RABGAP1L: variants seen among roughly 807,000 people sequenced by gnomAD.
RABGAP1L encodes the protein RAB GTPase activating protein 1 like, also known as rab GTPase-activating protein 1-like.
RABGAP1L carries 63 observed loss-of-function variants against 137.7 expected under a neutral mutation model. That is an observed-to-expected ratio of 0.46 (90% CI 0.37 to 0.56). The LOEUF is 0.56. Ranked by LOEUF, RABGAP1L falls within the 20% of genes least tolerant of loss-of-function variation. The pLI, the probability that RABGAP1L is intolerant of heterozygous loss-of-function variation, is 0.00. For synonymous variants in RABGAP1L, 431 were observed against 433.7 expected, an observed-to-expected ratio of 0.99 and a Z score of 0.08; for missense variants, 1,095 against 1,244.0, an observed-to-expected ratio of 0.88 and a Z score of 1.80.
At chr1:174,642,891 C>T (rs1234788524) in intron 14 of RABGAP1L, among the ~76,000 whole-genome samples, 1 of 151,524 alleles carries the variant, frequency 6.6e-6, no homozygotes, top group African/African-American at 2.4e-5. Context: ...CTCAAGCAAT[C>T]CTCCCACCTC....
chr1:174,634,806 T>G (rs1673797888), intron 13 of RABGAP1L, among the ~76,000 whole-genome samples: 1 of 146,124 alleles, frequency 6.8e-6, no homozygotes, highest in South Asian at 2.2e-4. Flanking sequence ...CACCGCATAT[T>G]CTCCCTCATA....
intron 13 of RABGAP1L, among the ~76,000 whole-genome samples, chr1:174,414,692 T>G (rs2149141425): frequency 6.6e-6 from 1 of 152,250 alleles, no homozygotes; most frequent in Non-Finnish European, 1.5e-5. Context: ...GTAGAAAACT[T>G]TAAGTTATAT....
chr1:174,843,340 T>G (rs1286925552), intron 19 of RABGAP1L, among the ~76,000 whole-genome samples: 1 of 150,444 alleles, frequency 6.6e-6, no homozygotes, highest in Admixed American at 6.6e-5. Flanking sequence ...ACTCGTCATC[T>G]AGCATTAGGT....
chr1:174,617,815 C>A (rs751799188), intron 13 of RABGAP1L, among the ~76,000 whole-genome samples: 3 of 152,176 alleles, frequency 2.0e-5, no homozygotes, highest in Non-Finnish European at 1.5e-5. Flanking sequence ...CGGGTGATTT[C>A]GCATTTCCAA....
rs1233304497 is a variant in RABGAP1L, at chr1:174,219,195, C to T, written c.38C>T (p.Ser13Leu). The change falls in exon 2 of 26, where the codon TCA becomes TTA. Residue 13 changes from serine (S) to leucine (L), a missense_variant. Transcript: ENST00000681986. ...GCTTCATTACAGAAGGTTAGTGGAT[C>T]ATCTGATTCTGTGGCTACAATGAAC... ...VRASLQKVSG[S>L]SDSVATMNSE... 2 of 1,603,680 alleles carry T rather than the reference C, an allele frequency of 1.2e-6. No individual in the cohort carries two copies. The highest frequency in any genetic ancestry group is 2.7e-5 in the African/African-American group (2 of 74,390).
At position 174,315,100 on chromosome 1, in the gene RABGAP1L, T is replaced by G. The variant is rs1303043536; in HGVS notation, c.1465+9973T>G. Among the ~76,000 whole-genome samples, 4 of 152,096 alleles carry G rather than the reference T, an allele frequency of 2.6e-5. No individual in the cohort carries two copies. The South Asian group carries it at 8.3e-4, about 32-fold the overall frequency. The stretch of plus-strand genomic sequence containing the variant: ...TGCTCACAGTGGGGGTTTGAAGGTA[T>G]TATTGTGTTGGGGTTTATCTTTCTC... On this transcript the variant is annotated intron_variant, in intron 11 of 25. Transcript: ENST00000681986.
chr1:174,928,450 A>G (rs892914157), intron 19 of RABGAP1L, among the ~76,000 whole-genome samples: 1 of 151,886 alleles, frequency 6.6e-6, no homozygotes, highest in Non-Finnish European at 1.5e-5. Context: ...GAAGGTATTC[A>G]GTTCACGTAT....
intron 11 of RABGAP1L, among the ~76,000 whole-genome samples, chr1:174,306,211 G>A (rs1210991699): frequency 2.0e-5 from 3 of 152,170 alleles, no homozygotes; most frequent in Non-Finnish European, 2.9e-5. Flanking sequence ...TGTGAGTAGT[G>A]CTGCAATAAA....
At chr1:174,889,878 T>TA (rs1655832526) in intron 19 of RABGAP1L, among the ~76,000 whole-genome samples, 1 of 152,080 alleles carries the variant, frequency 6.6e-6, no homozygotes, top group East Asian at 1.9e-4. Flanking sequence ...TGCAGGCACA[T>TA]ACCACCATGC....
At chr1:174,203,851 G>T (rs911860411) in intron 1 of RABGAP1L, among the ~76,000 whole-genome samples, 36 of 151,996 alleles carry the variant, frequency 2.4e-4, no homozygotes, top group African/African-American at 7.7e-4. Flanking sequence ...TCTTTTTGTG[G>T]CAATTTGGAA....
chr1:174,204,722 T>A (rs367930964), intron 1 of RABGAP1L, among the ~76,000 whole-genome samples: 1 of 152,168 alleles, frequency 6.6e-6, no homozygotes, highest in Admixed American at 6.6e-5. Context: ...TGGGAGGTGA[T>A]TGGATCCTGG....
intron 3 of RABGAP1L, among the ~76,000 whole-genome samples, chr1:174,230,553 T>C (rs1054635240): frequency 1.3e-5 from 2 of 152,190 alleles, no homozygotes; most frequent in East Asian, 3.9e-4. Context: ...AGCTAGTTTA[T>C]AGGGAGGATA....
At chr1:174,621,769 A>G (rs1171391117) in intron 13 of RABGAP1L, among the ~76,000 whole-genome samples, 1 of 152,216 alleles carries the variant, frequency 6.6e-6, no homozygotes. Context: ...AACCTAGGCA[A>G]TACCATTGAG....
At chr1:174,490,616 A>G (rs1019109076) in intron 13 of RABGAP1L, among the ~76,000 whole-genome samples, 3 of 152,156 alleles carry the variant, frequency 2.0e-5, no homozygotes, top group African/African-American at 4.8e-5. Flanking sequence ...GGGCTCTACA[A>G]TCAGCAGGTA....
intron 13 of RABGAP1L, among the ~76,000 whole-genome samples, chr1:174,506,818 T>A (rs992038516): frequency 2.6e-5 from 4 of 152,046 alleles, no homozygotes; most frequent in Non-Finnish European, 5.9e-5. Context: ...CCAAAAACTA[T>A]TGAAATAATA....
chr1:174,208,040 T>C (rs191316118), intron 1 of RABGAP1L, among the ~76,000 whole-genome samples: 1 of 152,342 alleles, frequency 6.6e-6, no homozygotes, highest in East Asian at 1.9e-4. Flanking sequence ...TTAGATCTGA[T>C]TTAATTTCCT....
chr1:174,901,963 C>T (rs952464220), intron 19 of RABGAP1L, among the ~76,000 whole-genome samples: 2 of 152,116 alleles, frequency 1.3e-5, no homozygotes, highest in Non-Finnish European at 2.9e-5. Context: ...GCTGGGGGTC[C>T]AATCCAGACC....
At chr1:174,247,919 A>G (rs1195477659) in intron 5 of RABGAP1L, among the ~76,000 whole-genome samples, 2 of 151,782 alleles carry the variant, frequency 1.3e-5, no homozygotes, top group Admixed American at 6.6e-5. Context: ...TTTCTTGCCT[A>G]TTAAACTCCC....
At chr1:174,844,170 A>T (rs1269217846) in intron 19 of RABGAP1L, among the ~76,000 whole-genome samples, 2 of 139,696 alleles carry the variant, frequency 1.4e-5, no homozygotes, top group Non-Finnish European at 1.6e-5. Flanking sequence ...CCCATGTTGT[A>T]GGTTGCCTGT....
Sources: allele counts gnomAD v4.1 joint callset (sites outside exome capture counted in the v4.1 genomes callset), GRCh38; gene constraint gnomAD v4.1.1; transcripts MANE v1.5; gene names NCBI Gene and HGNC (gene_info 2026-07-23, HGNC 2026-07-21).